CLYBL: variants seen among roughly 807,000 people sequenced by gnomAD.
The protein encoded by CLYBL is citramalyl-CoA lyase, also known as citramalyl-CoA lyase, mitochondrial.
A neutral mutation model predicts 38.9 loss-of-function variants in CLYBL; 31 were observed. That is an observed-to-expected ratio of 0.80 (90% CI 0.60 to 1.08). The LOEUF (loss-of-function observed/expected upper bound fraction) is 1.08, where lower values mean the gene tolerates loss of function less well. CLYBL is among the 50% of genes least tolerant of loss of function. The pLI is 0.00. For missense variants in CLYBL, 434 were observed against 411.6 expected (o/e 1.05, Z -0.47); for synonymous variants, 171 against 158.6 (o/e 1.08, Z -0.59).
chr13:99,767,845 T>C (rs1296465149), intron 1 of CLYBL, among the ~76,000 whole-genome samples: 1 of 152,222 alleles, frequency 6.6e-6, no homozygotes, highest in Non-Finnish European at 1.5e-5. Context: ...TGTTCATACG[T>C]CATTATCTTG....
chr13:99,726,173 A>G (rs2048469207), intron 1 of CLYBL: 1 of 152,220 alleles, frequency 6.6e-6, no homozygotes, highest in Non-Finnish European at 1.5e-5. Context: ...TTTCAAATTA[A>G]TAAGGTGTTA....
chr13:99,689,194 C>T (rs2047863275), intron 1 of CLYBL, among the ~76,000 whole-genome samples: 1 of 152,168 alleles, frequency 6.6e-6, no homozygotes. Flanking sequence ...ACATTTTAAG[C>T]TTCATTACTG....
intron 1 of CLYBL, among the ~76,000 whole-genome samples, chr13:99,660,075 C>A (rs754909152): frequency 2.6e-5 from 4 of 152,130 alleles, no homozygotes; most frequent in Non-Finnish European, 4.4e-5. Context: ...GAAACAAATA[C>A]CAGACTCCTT....
chr13:99,673,435 C>T (rs1167347512), intron 1 of CLYBL, among the ~76,000 whole-genome samples: 1 of 149,678 alleles, frequency 6.7e-6, no homozygotes, highest in South Asian at 2.1e-4. Flanking sequence ...AGAAATGGTG[C>T]GACAGGGGCA....
intron 7 of CLYBL, among the ~76,000 whole-genome samples, chr13:99,886,379 C>A (rs184026783): frequency 4.6e-4 from 70 of 152,366 alleles, no homozygotes; most frequent in Admixed American, 2.4e-3. Flanking sequence ...TCACCTTCAC[C>A]ATCAAATTGT....
intron 2 of CLYBL, among the ~76,000 whole-genome samples, chr13:99,795,804 T>C (rs1222491810): frequency 6.6e-6 from 1 of 152,222 alleles, no homozygotes; most frequent in African/African-American, 2.4e-5. Flanking sequence ...GGGTGAATTC[T>C]TGGAGCCTCC....
At chr13:99,714,638 T>A (rs546458161) in intron 1 of CLYBL, among the ~76,000 whole-genome samples, 56 of 147,264 alleles carry the variant, frequency 3.8e-4, no homozygotes, top group African/African-American at 1.4e-3. Flanking sequence ...AATAAATAAA[T>A]AATAAAAATA....
intron 2 of CLYBL, among the ~76,000 whole-genome samples, chr13:99,780,554 G>A (rs752213039): frequency 6.8e-6 from 1 of 147,724 alleles, no homozygotes; most frequent in Non-Finnish European, 1.5e-5. Context: ...CTAATTTTTT[G>A]TGTGTTTATA....
At chr13:99,661,234 CAAAGTA>C (rs1208418266) in intron 1 of CLYBL, among the ~76,000 whole-genome samples, 3 of 151,812 alleles carry the variant, frequency 2.0e-5, no homozygotes, top group Admixed American at 1.3e-4. Flanking sequence ...TAAAGCAAAG[CAAAGTA>C]AAAGAGAAAA....
Position 99,665,507 on chromosome 13 carries a change from G to C in CLYBL, c.62+58750G>C, listed in dbSNP as rs181752449. Among the ~76,000 whole-genome samples, 54 of 151,842 alleles carry C rather than the reference G, an allele frequency of 3.6e-4. No individual in the cohort carries two copies. In the East Asian group the frequency reaches 9.9e-3, roughly 28 times the overall value. On this transcript the variant is annotated intron_variant, in intron 1 of 8. Transcript: ENST00000339105. ...TATTTTGCAAGATCCAAAATCTTAT[G>C]AATATAGTTTTTAGTGAAAAAAATT...
chr13:99,794,594 T>TTATTATTATTAC (rs1249577346), intron 2 of CLYBL, among the ~76,000 whole-genome samples: 3 of 149,218 alleles, frequency 2.0e-5, no homozygotes, highest in Non-Finnish European at 4.5e-5. Flanking sequence ...ATTATTATTA[T>TTATTATTATTAC]TATTATTATT....
At chr13:99,810,132 A>T (rs985724120) in intron 2 of CLYBL, among the ~76,000 whole-genome samples, 3 of 152,270 alleles carry the variant, frequency 2.0e-5, no homozygotes, top group Non-Finnish European at 4.4e-5. Context: ...TTGAGAAACC[A>T]CTTTGTGGCA....
chr13:99,718,769 G>A (rs2793741), intron 1 of CLYBL, among the ~76,000 whole-genome samples: 149,066 of 152,318 alleles, frequency 0.98, 73,052 homozygotes, highest in East Asian at 1. Context: ...TCTTTATCCT[G>A]AGAATGTTTT....
chr13:99,831,800 C>A (rs1443047973), intron 2 of CLYBL, among the ~76,000 whole-genome samples: 2 of 151,804 alleles, frequency 1.3e-5, no homozygotes, highest in Non-Finnish European at 2.9e-5. Flanking sequence ...CATCCCTGGC[C>A]TTGTTTTGGT....
rs751621024 is a variant in CLYBL at position 99,871,234 on chromosome 13, C to T, written c.927+172C>T. Among the ~76,000 whole-genome samples, 11 of 152,176 alleles carry T rather than the reference C, an allele frequency of 7.2e-5. 1 individual carries two copies. The highest frequency in any genetic ancestry group is 4.1e-4 in the South Asian group (2 of 4,824). On this transcript the variant is annotated intron_variant, in intron 7 of 8. Transcript: ENST00000339105. ...GAAAATTGCTTGAGATAGATTTGCCCTGCCCATGTTCCTAAATACTTCACT... is the reference window on the plus strand; with the variant it reads ...GAAAATTGCTTGAGATAGATTTGCCTTGCCCATGTTCCTAAATACTTCACT...
At chr13:99,822,936 T>G (rs762537826) in intron 2 of CLYBL, among the ~76,000 whole-genome samples, 1 of 152,252 alleles carries the variant, frequency 6.6e-6, no homozygotes, top group Non-Finnish European at 1.5e-5. Flanking sequence ...ACTGACTTCC[T>G]TCTATGTAAG....
At chr13:99,701,397 G>A (rs547247594) in intron 1 of CLYBL, among the ~76,000 whole-genome samples, 3 of 151,978 alleles carry the variant, frequency 2.0e-5, no homozygotes, top group Non-Finnish European at 4.4e-5. Flanking sequence ...TGCAAGCTCC[G>A]CCTCCCGGGT....
rs1380360377 is a variant in CLYBL at position 99,669,400 on chromosome 13, C to T, written c.62+62643C>T. Among the ~76,000 whole-genome samples, 5 of 152,046 alleles carry T rather than the reference C, an allele frequency of 3.3e-5. No homozygotes were observed. In the East Asian group the frequency reaches 9.6e-4, roughly 29 times the overall value. On this transcript the variant is annotated intron_variant, in intron 1 of 8. Coordinates refer to ENST00000339105, the MANE Select transcript of CLYBL (RefSeq NM_206808.5). ...TCTTCCTTCCAGAGCTTTCTCTAGCCATTTGCAAAAATTCCACAAGCACAT... is the reference window on the plus strand; with the variant it reads ...TCTTCCTTCCAGAGCTTTCTCTAGCTATTTGCAAAAATTCCACAAGCACAT...
At chr13:99,833,003 C>CATATAT (rs1566345646) in intron 2 of CLYBL, among the ~76,000 whole-genome samples, 14 of 73,308 alleles carry the variant, frequency 1.9e-4, no homozygotes, top group African/African-American at 6.9e-4. Flanking sequence ...TACATACATA[C>CATATAT]ATACATATAT....
Sources: allele counts gnomAD v4.1 joint callset (sites outside exome capture counted in the v4.1 genomes callset), GRCh38; gene constraint gnomAD v4.1.1; transcripts MANE v1.5; gene names NCBI Gene and HGNC (gene_info 2026-07-23, HGNC 2026-07-21).